The following CNDP2 variants were observed in gnomAD, a reference collection of about 807,000 sequenced individuals.
The protein encoded by CNDP2 is carnosine dipeptidase 2.
In CNDP2, 38 loss-of-function variants were observed where a neutral mutation model predicts 55.0. The observed-to-expected ratio is 0.69, with a 90% confidence interval of 0.53 to 0.90. CNDP2 has a LOEUF of 0.90. Ranked by LOEUF, CNDP2 falls within the 40% of genes least tolerant of loss-of-function variation. CNDP2 has a pLI of 0.00. For synonymous variants in CNDP2, 241 were observed against 260.2 expected (o/e 0.93, Z 0.71); for missense variants, 607 against 621.7 (o/e 0.98, Z 0.25).
chr18:74,507,254 C>T (rs1464990690), intron 4 of CNDP2: 1 of 152,332 alleles, frequency 6.6e-6, no homozygotes, highest in African/African-American at 2.4e-5. Flanking sequence ...TGTCTTTGCT[C>T]CTTGTCCGCT....
intron 6 of CNDP2, 83 bp from the exon 7 acceptor site, chr18:74,512,365 T>C: frequency 7.8e-7 from 1 of 1,278,018 alleles, no homozygotes; most frequent in Non-Finnish European, 1.1e-6. Flanking sequence ...GCCTTGTAAA[T>C]GCTCTTTGTT....
intron 3 of CNDP2, among the ~76,000 whole-genome samples, chr18:74,501,781 CT>C (rs1011419788): frequency 2.8e-4 from 42 of 152,290 alleles, no homozygotes; most frequent in Middle Eastern, 3.4e-3. Context: ...AATCCATAAG[CT>C]TTCAAACTAG....
At chr18:74,517,548 G>A (rs1979754593) in intron 9 of CNDP2, 1 of 152,188 alleles carries the variant, frequency 6.6e-6, no homozygotes, top group Non-Finnish European at 1.5e-5. Context: ...GTGGGAAAAG[G>A]TAAGGACAGG....
chr18:74,503,073 G>GTT (rs72527615), intron 3 of CNDP2, among the ~76,000 whole-genome samples: 318 of 142,050 alleles, frequency 2.2e-3, no homozygotes, highest in East Asian at 4.6e-3. Flanking sequence ...GCTCCCTTTC[G>GTT]TTTTTTTTTT....
chr18:74,501,074 T>TG (rs1416861467), intron 2 of CNDP2: 20 of 817,584 alleles, frequency 2.4e-5, no homozygotes, highest in South Asian at 5.7e-5. Flanking sequence ...TTCACTTCCT[T>TG]GTTTTTTTTT....
At chr18:74,502,851 C>T (rs1978786678) in intron 3 of CNDP2, among the ~76,000 whole-genome samples, 1 of 152,142 alleles carries the variant, frequency 6.6e-6, no homozygotes, top group African/African-American at 2.4e-5. Flanking sequence ...CAGCTCTGTC[C>T]ACTGGGAGCC....
In CNDP2 at chr18:74,500,019, G is replaced by C. The variant is rs1424221898; in HGVS notation, c.46G>C (p.Asp16His). 5 of 1,613,792 alleles carry C rather than the reference G, an allele frequency of 3.1e-6. No individual in the cohort carries two copies. The Admixed American group carries it at 8.3e-5, about 27-fold the overall frequency. The change falls in exon 2 of 12, where the codon GAT becomes CAT. Residue 16 changes from aspartate to histidine, a missense_variant. Physicochemically the swap from Asp to His is moderately conservative, Grantham distance 81. Transcript: ENST00000324262. ...GTTTAAGTACATAGATGAAAATCAGGATCGCTACATTAAGGTAAGGGAATA... is the reference window on the plus strand; with the variant it reads ...GTTTAAGTACATAGATGAAAATCAGCATCGCTACATTAAGGTAAGGGAATA... ...TLFKYIDENQ[D>H]RYIKKLAKWV...
intron 9 of CNDP2, chr18:74,518,206 G>A (rs1979812640): frequency 9.8e-6 from 2 of 204,424 alleles, no homozygotes; most frequent in South Asian, 8.5e-5. Context: ...AGCTTGCAGT[G>A]AGCCGAGATC....
intron 8 of CNDP2, among the ~76,000 whole-genome samples, chr18:74,515,351 C>T (rs771174431): frequency 6.6e-5 from 10 of 152,106 alleles, no homozygotes; most frequent in African/African-American, 1.9e-4. Flanking sequence ...AGGTCCCCAC[C>T]GGCAGTGACT....
At chr18:74,517,352 G>T (rs1286589781) in intron 9 of CNDP2, 1 of 152,222 alleles carries the variant, frequency 6.6e-6, no homozygotes, top group Non-Finnish European at 1.5e-5. Context: ...TGGCTGGGCT[G>T]CTCTGAGAGA....
intron 11 of CNDP2, among the ~76,000 whole-genome samples, chr18:74,519,660 G>A (rs1226118761): frequency 2.6e-5 from 4 of 152,224 alleles, no homozygotes; most frequent in Non-Finnish European, 4.4e-5. Context: ...GCAGGAAGGA[G>A]GGAGGGGTGA....
chr18:74,512,201 A>T (rs1979391280), intron 6 of CNDP2: 1 of 444,660 alleles, frequency 2.2e-6, no homozygotes, highest in African/African-American at 2.0e-5. Context: ...GCCCTGTGGA[A>T]TGCTTGTACC....
chr18:74,514,487 AAGTT>A (rs1979540303), intron 8 of CNDP2, among the ~76,000 whole-genome samples: 2 of 146,180 alleles, frequency 1.4e-5, no homozygotes, highest in Non-Finnish European at 3.1e-5. Context: ...GTATGGATGT[AAGTT>A]CTGCAGCCTG....
rs749928247 is a variant in CNDP2 at position 74,506,023 on chromosome 18, G to T, written c.367+12G>T. 1 of 1,553,936 alleles carries T rather than the reference G, an allele frequency of 6.4e-7. No individual in the cohort carries two copies. The highest frequency in any genetic ancestry group is 8.7e-7 in the Non-Finnish European group (1 of 1,155,792). The stretch of plus-strand genomic sequence containing the variant: ...GGTGGAGCGAGACGGTGAGCGCCGC[G>T]CGCCTATGCGTGCCCAGAGGAAAGG... On this transcript the variant is annotated intron_variant, in intron 4 of 11. Transcript: ENST00000324262.
In CNDP2 at chr18:74,521,925, C is replaced by T. The variant is rs529263387; in HGVS notation, c.*1857C>T. 1 of 152,404 alleles carries T rather than the reference C, an allele frequency of 6.6e-6. No individual in the cohort carries two copies. The highest frequency in any genetic ancestry group is 1.9e-4 in the East Asian group (1 of 5,188). The allele number at this position is 152,404 out of a possible 1,614,324, so 9.4% of individuals were successfully genotyped here. The stretch of plus-strand genomic sequence containing the variant: ...GCACCACCCTCAGATCAAAATGAAC[C>T]TCAGCAGTAATGACACGTCCACATC... On this transcript the variant is annotated 3_prime_UTR_variant, in exon 12 of 12. Coordinates refer to ENST00000324262, the MANE Select transcript of CNDP2 (RefSeq NM_018235.3).
chr18:74,521,380 A>G lies in CNDP2; in HGVS notation c.*1312A>G, dbSNP rs1199731626. On this transcript the variant is annotated 3_prime_UTR_variant, in exon 12 of 12. Transcript: ENST00000324262. Reference sequence around the variant, plus strand: ...ACAGGAAGTCCAGCTGGCTTAAACAAAGAATTGATTGGCCCACTTGACATA... The same window carrying G: ...ACAGGAAGTCCAGCTGGCTTAAACAGAGAATTGATTGGCCCACTTGACATA... The G allele has an allele frequency of 6.6e-6, 1 of 152,268 alleles. No homozygotes were observed. The highest frequency in any genetic ancestry group is 1.5e-5 in the Non-Finnish European group (1 of 68,062). The allele number at this position is 152,268 out of a possible 1,614,324, so 9.4% of individuals were successfully genotyped here. A position where few individuals can be genotyped will look rare whatever the true frequency, so the allele number is the denominator to read the frequency against.
intron 7 of CNDP2, among the ~76,000 whole-genome samples, chr18:74,512,878 G>A (rs568939116): frequency 7.9e-5 from 12 of 152,256 alleles, no homozygotes; most frequent in African/African-American, 4.8e-5. Context: ...CTCTCAGGGC[G>A]TGTGTTTTGG....
Position 74,522,395 on chromosome 18 carries a change from T to C in CNDP2, c.*2327T>C, listed in dbSNP as rs1980102035. 1 of 152,250 alleles carries C rather than the reference T, an allele frequency of 6.6e-6. No homozygotes were observed. 9.4% of individuals were successfully genotyped at this position (152,250 alleles called of 1,614,324 possible). ...CCTAAGAGTAGCTGCTGGTGTCTCA[T>C]GCATGCGAGCTGCATATGGGCCCCC... On this transcript the variant is annotated 3_prime_UTR_variant, in exon 12 of 12. Coordinates refer to ENST00000324262, the MANE Select transcript of CNDP2 (RefSeq NM_018235.3).
chr18:74,499,883 T>TCGCC lies in CNDP2; in HGVS notation c.-89_-86dup, dbSNP rs754185644. 19 of 1,136,472 alleles carry TCGCC rather than the reference T, an allele frequency of 1.7e-5. No homozygotes were observed. Among genetic ancestry groups the TCGCC allele is most frequent in the Non-Finnish European group, 2.5e-5 (19 of 769,908 alleles). The allele number at this position is 1,136,472 out of a possible 1,614,324, so 70.4% of individuals were successfully genotyped here. ...TCTGAACACGTGCTTTCTGGGCAGGTCGCCCCTCAGTCTCCACTAGAGACA... is the reference window on the plus strand; with the variant it reads ...TCTGAACACGTGCTTTCTGGGCAGGTCGCCCGCCCCTCAGTCTCCACTAGAGACA... On this transcript the variant is annotated splice_region_variant and 5_prime_UTR_variant, in exon 2 of 12. Transcript: ENST00000324262.
Sources: gnomAD v4.1 joint callset for allele counts (sites outside exome capture counted in the v4.1 genomes callset) on GRCh38, gnomAD v4.1.1 for gene constraint, MANE v1.5 for transcripts, NCBI Gene and HGNC (gene_info 2026-07-23, HGNC 2026-07-21) for gene names.